DCTN1: variants seen among roughly 807,000 people sequenced by gnomAD.
The protein encoded by DCTN1 is dynactin subunit 1, also known as 150 kDa dynein-associated polypeptide.
In DCTN1, 61 loss-of-function variants were observed where a neutral mutation model predicts 161.2. The ratio of observed to expected loss-of-function variants is 0.38; its 90% CI spans 0.31 to 0.47. The LOEUF is 0.47. Among genes scored for constraint, DCTN1 ranks in the 20% least tolerant of loss-of-function variants. The pLI, the probability that DCTN1 is intolerant of heterozygous loss-of-function variation, is 0.99. For missense variants in DCTN1, 1,404 were observed against 1,623.7 expected, an observed-to-expected ratio of 0.86 and a Z score of 2.33; for synonymous variants, 653 against 632.4, an observed-to-expected ratio of 1.03 and a Z score of -0.49.
intron 5 of DCTN1, among the ~76,000 whole-genome samples, chr2:74,376,478 TTA>T (rs1295572661): frequency 6.6e-6 from 1 of 152,220 alleles, no homozygotes; most frequent in African/African-American, 2.4e-5. Context: ...AGTCAAATGC[TTA>T]TAGTTTTTGA....
Position 74,369,424 on chromosome 2 carries a change from T to A in DCTN1, c.1460A>T (p.Glu487Val). The change falls in exon 14 of 32, where the codon GAG becomes GTG. Residue 487 changes from glutamate (E) to valine (V), a missense_variant. By Grantham distance (121) the Glu-to-Val change is moderately radical (BLOSUM62 -2). This residue lies in a region of DCTN1 where 278 missense variants were observed against 363.8 expected (regional missense o/e 0.76). Transcript: ENST00000628224. The surrounding 1 kb of genome is among the most constrained non-coding windows in gnomAD (Gnocchi z 4.9). ...NARETELELR[E>V]QLDMAGARVR... ...CCGCGCGCCTGCCATGTCCAGCTGC[T>A]CCCGCAGCTCCAGTTCTGTCTCACG... 1 of 1,614,138 alleles carries A rather than the reference T, an allele frequency of 6.2e-7. No homozygotes were observed. Among genetic ancestry groups the A allele is most frequent in the Non-Finnish European group, 8.5e-7 (1 of 1,180,018 alleles).
At chr2:74,367,273 T>C (rs1674490756) in intron 19 of DCTN1, 79 bp downstream of exon 19, 1 of 1,578,350 alleles carries the variant, frequency 6.3e-7, no homozygotes, top group Admixed American at 1.7e-5. Context: ...GTGACACTTC[T>C]TGGGTGCCTG....
chr2:74,378,637 C>T (rs1364844619), intron 1 of DCTN1, among the ~76,000 whole-genome samples: 1 of 152,214 alleles, frequency 6.6e-6, no homozygotes, highest in East Asian at 1.9e-4. Context: ...AATGCCCTGA[C>T]TCAGGAGTCT....
chr2:74,371,483 A>G, intron 8 of DCTN1, 54 bp downstream of exon 8: 2 of 1,506,836 alleles, frequency 1.3e-6, no homozygotes, highest in Non-Finnish European at 1.8e-6. Context: ...CACAGCGGGT[A>G]GCCACAAGCC....
At chr2:74,390,672 T>C (rs969984340) in intron 1 of DCTN1, 6 of 457,280 alleles carry the variant, frequency 1.3e-5, no homozygotes, top group Admixed American at 2.5e-5. Context: ...CAGTGATCTA[T>C]ACTTTTGCTA....
Position 74,369,510 on chromosome 2 carries a change from G to C in DCTN1, c.1393-19C>G, listed in dbSNP as rs1674673080. On this transcript the variant is annotated intron_variant, in intron 13 of 31. Transcript: ENST00000628224. The surrounding 1 kb of genome is among the most constrained non-coding windows in gnomAD (Gnocchi z 4.9). ...TCGCTTCCTAGGACACCACACCATA[G>C]TTTGGGCTAAAGAAAGGCAGGGTCG... 2 of 1,609,932 alleles carry C rather than the reference G, an allele frequency of 1.2e-6. No individual in the cohort carries two copies. Among genetic ancestry groups the C allele is most frequent in the East Asian group, 2.2e-5 (1 of 44,886 alleles).
intron 30 of DCTN1, among the ~76,000 whole-genome samples, chr2:74,362,423 C>A (rs926951885): frequency 2.0e-5 from 3 of 152,178 alleles, no homozygotes; most frequent in Admixed American, 6.5e-5. Context: ...GAAGCTAAAG[C>A]CTGAACCAGT....
At chr2:74,362,224 C>T in intron 30 of DCTN1, 83 bp from the exon 31 acceptor site, 2 of 1,256,962 alleles carry the variant, frequency 1.6e-6, no homozygotes, top group South Asian at 2.4e-5. Flanking sequence ...CACAGAGACA[C>T]TAATACCAGG....
chr2:74,377,595 C>T lies in DCTN1; in HGVS notation c.358+53G>A, dbSNP rs1675299973. 30 of 1,556,980 alleles carry T rather than the reference C, an allele frequency of 1.9e-5. No individual in the cohort carries two copies. In the South Asian group the frequency reaches 3.2e-4, roughly 17 times the overall value. On this transcript the variant is annotated intron_variant, in intron 3 of 31. Transcript: ENST00000628224. Reference sequence around the variant, plus strand: ...GTGGCCCCATGTTATGAGGAGAAGTCCTGGGGACTCCTCCTGGCTATGGGG... The same window carrying T: ...GTGGCCCCATGTTATGAGGAGAAGTTCTGGGGACTCCTCCTGGCTATGGGG...
Position 74,366,569 on chromosome 2 carries a change from C to G in DCTN1, c.2518G>C (p.Val840Leu), listed in dbSNP as rs145293019. 2.5e-6 allele frequency: 4 copies of G among 1,613,544 alleles called. No individual in the cohort carries two copies. In the African/African-American group the frequency reaches 5.3e-5, roughly 22 times the overall value. Residue 840 changes from valine to leucine, a missense_variant, in exon 22 of 32, where the codon GTG (valine) becomes CTG (leucine). Val to Leu is a conservative substitution (Grantham distance 32). Transcript: ENST00000628224. ...CRKHLTWVVA[V>L]LQEVAAAAAQ... ...GCAGCAGCTGCCACCTCCTGCAGCA[C>G]AGCCACGACCCACGTCAAGTGTTTC...
In DCTN1 at chr2:74,370,650, T is replaced by C. The variant is rs1558942049; in HGVS notation, c.1019A>G (p.Glu340Gly). The C allele has an allele frequency of 1.2e-6, 2 of 1,614,214 alleles. No homozygotes were observed. The highest frequency in any genetic ancestry group is 4.5e-5 in the East Asian group (2 of 44,888). ...ERVDELTTDL[E>G]ILKAEIEEKG... ...CTCTTCAATCTCAGCCTTGAGGATC[T>C]CTAAGTCAGTAGTGAGCTCGTCCAC... The change falls in exon 10 of 32, where the codon GAG becomes GGG. Residue 340 changes from glutamate to glycine, a missense_variant. Around this residue, in one of 9 missense-constraint regions of DCTN1, gnomAD observed 278 missense variants for 363.8 expected, o/e 0.76. Transcript: ENST00000628224. This position sits in a 1 kb window ranked among gnomAD's most constrained non-coding sequence, Gnocchi z 4.4.
In DCTN1 at chr2:74,369,919, T is replaced by C; in HGVS notation, c.1392+46A>G. The C allele has an allele frequency of 6.3e-7, 1 of 1,592,200 alleles. No individual in the cohort carries two copies. The highest frequency in any genetic ancestry group is 8.6e-7 in the Non-Finnish European group (1 of 1,160,778). On this transcript the variant is annotated intron_variant, in intron 13 of 31. Coordinates refer to ENST00000628224, the MANE Select transcript of DCTN1 (RefSeq NM_004082.5). This position sits in a 1 kb window ranked among gnomAD's most constrained non-coding sequence, Gnocchi z 4.9. ...GCCAAGGGTCACATGTCAATCTTTT[T>C]CTCAGCAGGTCCAAGTCAGATGTCA...
intron 30 of DCTN1, among the ~76,000 whole-genome samples, chr2:74,362,440 A>G (rs532316383): frequency 6.6e-6 from 1 of 152,258 alleles, no homozygotes; most frequent in East Asian, 1.9e-4. Flanking sequence ...CAGTCACTCT[A>G]AAGATTACCC....
intron 8 of DCTN1, 95 bp downstream of exon 8, chr2:74,371,442 G>C: frequency 7.4e-7 from 1 of 1,355,438 alleles, no homozygotes; most frequent in South Asian, 1.4e-5. Context: ...CCAAGTTCTA[G>C]GTCTTTGCCA....
Position 74,365,326 on chromosome 2 carries a change from C to A in DCTN1, c.3030-85G>T, listed in dbSNP as rs189383254. 5.3e-5 allele frequency: 84 copies of A among 1,582,126 alleles called. No individual in the cohort carries two copies. The East Asian group carries it at 1.8e-3, about 34-fold the overall frequency. On this transcript the variant is annotated intron_variant, in intron 25 of 31. Coordinates refer to ENST00000628224, the MANE Select transcript of DCTN1 (RefSeq NM_004082.5). ...CAGTCCTGAGAGGTCCTTGGAATAG[C>A]CCTGCCAGTGAGAAGCCAGGGCAGA...
Position 74,370,312 on chromosome 2 carries a change from C to T in DCTN1, c.1161G>A (p.Glu387=), listed in dbSNP as rs72659373. The T allele has an allele frequency of 4.3e-6, 7 of 1,614,068 alleles. No homozygotes were observed. The highest frequency in any genetic ancestry group is 5.1e-6 in the Non-Finnish European group (6 of 1,180,048). ...CCATGAGCTTCTGGAGCTTCACATG[C>T]TCCTGCTTCTCTGAGGAAGAAAGAT... ...MRDLSSSEKQ[E]HVKLQKLMEK... The change falls in exon 12 of 32, where the codon GAG becomes GAA. Residue 387 remains glutamate, a synonymous_variant. Coordinates refer to ENST00000628224, the MANE Select transcript of DCTN1 (RefSeq NM_004082.5). The surrounding 1 kb of genome is among the most constrained non-coding windows in gnomAD (Gnocchi z 4.4).
At position 74,363,065 on chromosome 2, in the gene DCTN1, C is replaced by A. The variant is rs1674134520; in HGVS notation, c.3458G>T (p.Ser1153Ile). Residue 1153 changes from serine to isoleucine, a missense_variant, in exon 29 of 32, where the codon AGC (serine) becomes ATC (isoleucine). Transcript: ENST00000628224. ...LPAGALYRKT[S>I]QLLETLNQLS... ...TTGATTCAATGTCTCCAGCAGCTGG[C>A]TGGTCTTACGATACAGCGCTCCAGC... 4 of 1,613,830 alleles carry A rather than the reference C, an allele frequency of 2.5e-6. No individual in the cohort carries two copies. The highest frequency in any genetic ancestry group is 3.4e-6 in the Non-Finnish European group (4 of 1,179,922).
At position 74,363,351 on chromosome 2, in the gene DCTN1, C is replaced by A; in HGVS notation, c.3288G>T (p.Gln1096His). ...AGATGTGCAGCCTCATGGCAGAGATCTGCTGAAGCAGCAGTGGTGAGTCCT... is the reference window on the plus strand; with the variant it reads ...AGATGTGCAGCCTCATGGCAGAGATATGCTGAAGCAGCAGTGGTGAGTCCT... Reference protein sequence around the residue: ...LVKDSPLLLQQISAMRLHISQ... With the variant: ...LVKDSPLLLQHISAMRLHISQ... Residue 1096 changes from glutamine to histidine, a missense_variant, in exon 28 of 32, where the codon CAG becomes CAT. By Grantham distance (24) the Gln-to-His change is conservative (BLOSUM62 0). This residue lies in a region of DCTN1 where 311 missense variants were observed against 298.9 expected (regional missense o/e 1.04). Coordinates refer to ENST00000628224, the MANE Select transcript of DCTN1 (RefSeq NM_004082.5). 6.2e-7 allele frequency: 1 copy of A among 1,612,978 alleles called. No individual in the cohort carries two copies. Among genetic ancestry groups the A allele is most frequent in the Non-Finnish European group, 8.5e-7 (1 of 1,179,570 alleles).
intron 30 of DCTN1, 83 bp downstream of exon 30, chr2:74,362,567 G>C: frequency 7.0e-7 from 1 of 1,426,098 alleles, no homozygotes; most frequent in Non-Finnish European, 9.7e-7. Flanking sequence ...CTAGCACAGG[G>C]CTGGGCTCAG....
Sources: gnomAD v4.1 joint callset for allele counts (sites outside exome capture counted in the v4.1 genomes callset) on GRCh38, gnomAD v4.1.1 for gene constraint, gnomAD v4.1.1 regional missense constraint, Gnocchi (gnomAD v3.1) non-coding constraint, MANE v1.5 for transcripts, NCBI Gene and HGNC (gene_info 2026-07-23, HGNC 2026-07-21) for gene names.